The following LHFPL6 variants were observed in gnomAD, a reference collection of about 807,000 sequenced individuals.
LHFPL6 encodes the protein LHFPL tetraspan subfamily member 6 protein.
In LHFPL6, 9 loss-of-function variants were observed where a neutral mutation model predicts 20.6. That is an observed-to-expected ratio of 0.44 (90% CI 0.26 to 0.76). The LOEUF is 0.76. Among genes scored for constraint, LHFPL6 ranks in the 30% least tolerant of loss-of-function variants. The probability of loss-of-function intolerance (pLI) is 0.20; values close to 1 mark genes in which losing one functional copy is unlikely to be tolerated. For synonymous variants in LHFPL6, 105 were observed against 98.7 expected (o/e 1.06, Z -0.38); for missense variants, 218 against 253.5 (o/e 0.86, Z 0.95).
At chr13:39,418,110 C>T (rs1456641620) in intron 2 of LHFPL6, among the ~76,000 whole-genome samples, 1 of 152,106 alleles carries the variant, frequency 6.6e-6, no homozygotes, top group African/African-American at 2.4e-5. Flanking sequence ...CCCACTCCCA[C>T]CCTGTCCTGG....
Position 39,357,859 on chromosome 13 carries a change from C to T in LHFPL6, c.485-13805G>A, listed in dbSNP as rs146167525. Among the ~76,000 whole-genome samples the T allele has an allele frequency of 3.4e-3, 512 of 152,096 alleles. 2 individuals carry two copies. The highest frequency in any genetic ancestry group is 0.011 in the African/African-American group (440 of 41,508). On this transcript the variant is annotated intron_variant, in intron 3 of 3. Coordinates refer to ENST00000379589, the MANE Select transcript of LHFPL6 (RefSeq NM_005780.3). ...AGAAATCATCGATGACACAAACAAACGGAAAAACATTCCATGCTCATAAAT... is the reference window on the plus strand; with the variant it reads ...AGAAATCATCGATGACACAAACAAATGGAAAAACATTCCATGCTCATAAAT...
At chr13:39,598,748 C>T (rs974665777) in intron 2 of LHFPL6, among the ~76,000 whole-genome samples, 3 of 151,820 alleles carry the variant, frequency 2.0e-5, no homozygotes, top group South Asian at 2.1e-4. Flanking sequence ...TAGTGGAGAC[C>T]GGGTTTCACC....
At chr13:39,485,134 C>T (rs1868683579) in intron 2 of LHFPL6, among the ~76,000 whole-genome samples, 1 of 152,080 alleles carries the variant, frequency 6.6e-6, no homozygotes, top group African/African-American at 2.4e-5. Flanking sequence ...GGAAATACTA[C>T]ATTTAGTACC....
rs17059815 is a variant in LHFPL6 at position 39,405,216 on chromosome 13, A to G, written c.386-26690T>C. On this transcript the variant is annotated intron_variant, in intron 2 of 3. Transcript: ENST00000379589. ...CGGTCTAATTTATAAATCACGTAGT[A>G]CAGGCTATCTATCCATCCCAACTCT... 1.0e-2 allele frequency among the ~76,000 whole-genome samples: 1,521 copies of G among 152,302 alleles called. 33 individuals carry two copies. The highest frequency in any genetic ancestry group is 0.035 in the African/African-American group (1,454 of 41,562).
intron 2 of LHFPL6, among the ~76,000 whole-genome samples, chr13:39,415,052 G>T (rs1871314963): frequency 6.6e-6 from 1 of 152,102 alleles, no homozygotes; most frequent in Non-Finnish European, 1.5e-5. Context: ...CCCGTCTGTG[G>T]CACATGACCA....
In LHFPL6 at chr13:39,343,885, C is replaced by G. The variant is rs773301107; in HGVS notation, c.*51G>C. 6.9e-7 allele frequency: 1 copy of G among 1,453,328 alleles called. No individual in the cohort carries two copies. Among genetic ancestry groups the G allele is most frequent in the Non-Finnish European group, 9.6e-7 (1 of 1,037,880 alleles). The allele number at this position is 1,453,328 out of a possible 1,614,324, so 90.0% of individuals were successfully genotyped here. A position where few individuals can be genotyped will look rare whatever the true frequency, so the allele number is the denominator to read the frequency against. On this transcript the variant is annotated 3_prime_UTR_variant, in exon 4 of 4. Coordinates refer to ENST00000379589, the MANE Select transcript of LHFPL6 (RefSeq NM_005780.3). ...AAGGTAGGTGGATGTTTTGACCTCT[C>G]CAAGCCCCTTTGGCCCATCTTCTCC...
chr13:39,449,404 T>C (rs1190330624), intron 2 of LHFPL6, among the ~76,000 whole-genome samples: 1 of 152,198 alleles, frequency 6.6e-6, no homozygotes, highest in African/African-American at 2.4e-5. Context: ...TGTGAATGGA[T>C]ATGAAATAAG....
At chr13:39,406,633 A>G (rs889978653) in intron 2 of LHFPL6, among the ~76,000 whole-genome samples, 2 of 152,180 alleles carry the variant, frequency 1.3e-5, no homozygotes, top group Non-Finnish European at 2.9e-5. Context: ...ATTTCAACTT[A>G]AAAACCCAAC....
intron 3 of LHFPL6, among the ~76,000 whole-genome samples, chr13:39,364,694 G>A (rs896221202): frequency 4.0e-5 from 6 of 151,782 alleles, no homozygotes; most frequent in Non-Finnish European, 5.9e-5. Flanking sequence ...TGGGATACAC[G>A]TGCAGAACAT....
intron 3 of LHFPL6, among the ~76,000 whole-genome samples, chr13:39,377,082 G>A (rs1201357579): frequency 6.6e-6 from 1 of 152,108 alleles, no homozygotes; most frequent in Non-Finnish European, 1.5e-5. Flanking sequence ...CTTACCTCCG[G>A]CAATACAAGG....
chr13:39,435,994 T>G (rs1207911084), intron 2 of LHFPL6, among the ~76,000 whole-genome samples: 2 of 151,710 alleles, frequency 1.3e-5, no homozygotes, highest in Non-Finnish European at 2.9e-5. Flanking sequence ...TTATTTATAT[T>G]AACATGTATT....
chr13:39,568,524 C>A (rs1871801492), intron 2 of LHFPL6, among the ~76,000 whole-genome samples: 2 of 152,096 alleles, frequency 1.3e-5, no homozygotes, highest in African/African-American at 4.8e-5. Context: ...ATAAAAAAAC[C>A]TAACCCAAAT....
At chr13:39,346,893 A>T (rs1265501643) in intron 3 of LHFPL6, among the ~76,000 whole-genome samples, 1 of 151,948 alleles carries the variant, frequency 6.6e-6, no homozygotes, top group Non-Finnish European at 1.5e-5. Flanking sequence ...GGCAAATTTG[A>T]TCAAGAGCCT....
chr13:39,528,910 T>C (rs186900196), intron 2 of LHFPL6, among the ~76,000 whole-genome samples: 1 of 152,324 alleles, frequency 6.6e-6, no homozygotes, highest in Admixed American at 6.5e-5. Context: ...AAAATGTATA[T>C]GGCTTGATTT....
intron 2 of LHFPL6, among the ~76,000 whole-genome samples, chr13:39,531,047 C>T (rs1371834205): frequency 6.6e-6 from 1 of 151,956 alleles, no homozygotes; most frequent in Non-Finnish European, 1.5e-5. Flanking sequence ...AAGCAATACA[C>T]ACTTAACTGG....
At chr13:39,436,192 T>G (rs1871952858) in intron 2 of LHFPL6, among the ~76,000 whole-genome samples, 1 of 152,128 alleles carries the variant, frequency 6.6e-6, no homozygotes, top group African/African-American at 2.4e-5. Flanking sequence ...AAGAAAATTT[T>G]GTGCAGCCAC....
chr13:39,380,855 T>C (rs1870419787), intron 2 of LHFPL6, among the ~76,000 whole-genome samples: 1 of 152,076 alleles, frequency 6.6e-6, no homozygotes, highest in African/African-American at 2.4e-5. Context: ...GGGATCTAGG[T>C]TGCATGCTCC....
intron 2 of LHFPL6, among the ~76,000 whole-genome samples, chr13:39,518,468 A>G (rs972961075): frequency 3.3e-5 from 5 of 152,240 alleles, no homozygotes; most frequent in African/African-American, 1.2e-4. Context: ...AATGTGCTAG[A>G]GACTCTATTT....
intron 2 of LHFPL6, among the ~76,000 whole-genome samples, chr13:39,449,815 C>G (rs1372337377): frequency 7.2e-6 from 1 of 138,366 alleles, no homozygotes; most frequent in Non-Finnish European, 1.5e-5. Flanking sequence ...GTTAAGAGTT[C>G]AATGATTCTG....
Sources: allele counts gnomAD v4.1 joint callset (sites outside exome capture counted in the v4.1 genomes callset), GRCh38; gene constraint gnomAD v4.1.1; transcripts MANE v1.5; gene names NCBI Gene and HGNC (gene_info 2026-07-23, HGNC 2026-07-21).